The following RBM26 variants were observed in gnomAD, a reference collection of about 807,000 sequenced individuals.
RBM26 encodes the protein RNA-binding protein 26.
Under a neutral mutation model 123.6 loss-of-function variants are expected in RBM26, and 30 were observed. The observed-to-expected ratio is 0.24, with a 90% CI of 0.18 to 0.33. The LOEUF (loss-of-function observed/expected upper bound fraction) is 0.33. Ranked by LOEUF, RBM26 falls within the 10% of genes least tolerant of loss-of-function variation. The pLI, the probability that RBM26 is intolerant of heterozygous loss-of-function variation, is 1.00. For synonymous variants in RBM26, 400 were observed against 404.4 expected, an observed-to-expected ratio of 0.99 and a Z score of 0.13; for missense variants, 947 against 1,203.6, an observed-to-expected ratio of 0.79 and a Z score of 3.15.
At chr13:79,351,449 G>GT (rs2073203544) in intron 14 of RBM26, among the ~76,000 whole-genome samples, 1 of 151,954 alleles carries the variant, frequency 6.6e-6, no homozygotes, top group African/African-American at 2.4e-5. Context: ...CCTAATCCAA[G>GT]TAAGTATTTG....
intron 20 of RBM26, 118 bp from the exon 21 acceptor site, chr13:79,322,580 T>A (rs1231783373): frequency 3.5e-6 from 2 of 564,404 alleles, no homozygotes; most frequent in East Asian, 6.9e-5. Flanking sequence ...GATGGCTATC[T>A]GCCCATTTGC....
chr13:79,352,989 G>A (rs867327876), intron 14 of RBM26, among the ~76,000 whole-genome samples, 164 bp downstream of exon 14: 8 of 147,912 alleles, frequency 5.4e-5, no homozygotes, highest in African/African-American at 7.6e-5. Flanking sequence ...AGTAAAAAAA[G>A]GAAAATATTT....
intron 19 of RBM26, among the ~76,000 whole-genome samples, chr13:79,335,877 G>A (rs1263393092): frequency 6.6e-6 from 1 of 152,098 alleles, no homozygotes; most frequent in African/African-American, 2.4e-5. Context: ...TGTGGAAGGT[G>A]TGGAAGTGGG....
chr13:79,323,756 A>C (rs978779901), intron 20 of RBM26, among the ~76,000 whole-genome samples: 2 of 151,764 alleles, frequency 1.3e-5, no homozygotes, highest in African/African-American at 2.4e-5. Flanking sequence ...CTATAAGATG[A>C]GGCTACAACT....
chr13:79,359,673 A>G lies in RBM26; in HGVS notation c.1431T>C (p.Asn477=), dbSNP rs764378278. 1.3e-6 allele frequency: 2 copies of G among 1,552,572 alleles called. No homozygotes were observed. Among genetic ancestry groups the G allele is most frequent in the East Asian group, 2.3e-5 (1 of 42,672 alleles). The change falls in exon 10 of 22, where the codon AAT becomes AAC. Residue 477 remains asparagine (N), a synonymous_variant. Transcript: ENST00000438737. ...MDLPPREKPP[N]KSSMRIVVDS... ...CCACTACTATCCTCATACTGCTTTT[A>G]TTGGGAGGCTTTTCTGTTTTAAAAC...
intron 3 of RBM26, among the ~76,000 whole-genome samples, chr13:79,372,951 C>T (rs867607018): frequency 1.0e-4 from 3 of 29,744 alleles, no homozygotes; most frequent in African/African-American, 3.1e-4. Context: ...TTATATATTA[C>T]ATATTTTATA....
At chr13:79,393,557 TCC>T (rs1271273472) in intron 1 of RBM26, among the ~76,000 whole-genome samples, 1 of 152,188 alleles carries the variant, frequency 6.6e-6, no homozygotes, top group East Asian at 1.9e-4. Flanking sequence ...TTGAGTACAT[TCC>T]CTACTTGTAA....
At chr13:79,404,886 C>CCCGTAGTATA (rs1298487554) in intron 1 of RBM26, among the ~76,000 whole-genome samples, 5 of 152,166 alleles carry the variant, frequency 3.3e-5, no homozygotes, top group Non-Finnish European at 7.3e-5. Context: ...CCCAAAGCCT[C>CCCGTAGTATA]CCGTAGTATA....
Position 79,334,401 on chromosome 13 carries a change from A to C in RBM26, c.2763T>G (p.Ile921Met), listed in dbSNP as rs757102446. 6.4e-7 allele frequency: 1 copy of C among 1,569,794 alleles called. No individual in the cohort carries two copies. Among genetic ancestry groups the C allele is most frequent in the Non-Finnish European group, 8.6e-7 (1 of 1,156,838 alleles). The change falls in exon 20 of 22, where the codon ATT (isoleucine) becomes ATG (methionine). Residue 921 changes from isoleucine to methionine, a missense_variant. Ile to Met is a conservative substitution (Grantham distance 10). This residue lies in a region of RBM26 where 164 missense variants were observed against 215.3 expected (regional missense o/e 0.76). Transcript: ENST00000438737. ...AQYGEIEDCQ[I>M]DDSSLHAVIT... ...TTACTGCATGAAGTGAGGAATCATC[A>C]ATCTGACAATCTTCAATTTCACCAT...
At chr13:79,342,603 A>C (rs2071601947) in intron 17 of RBM26, 61 bp downstream of exon 17, 1 of 1,339,194 alleles carries the variant, frequency 7.5e-7, no homozygotes, top group African/African-American at 1.5e-5. Flanking sequence ...CTGAATCTTA[A>C]AAATGTAGTG....
At chr13:79,338,272 G>A (rs868068890) in intron 18 of RBM26, among the ~76,000 whole-genome samples, 1 of 152,150 alleles carries the variant, frequency 6.6e-6, no homozygotes, top group African/African-American at 2.4e-5. Context: ...CTCAAAACGT[G>A]AAGAAATGCT....
At chr13:79,334,666 T>C (rs1410901568) in intron 19 of RBM26, among the ~76,000 whole-genome samples, 4 of 152,118 alleles carry the variant, frequency 2.6e-5, no homozygotes, top group South Asian at 2.1e-4. Flanking sequence ...GTAAAACTTA[T>C]ACTCAATTGA....
chr13:79,395,879 T>C (rs1289843821), intron 1 of RBM26, among the ~76,000 whole-genome samples: 3 of 151,778 alleles, frequency 2.0e-5, no homozygotes, highest in Admixed American at 1.3e-4. Context: ...AGGAACTAAA[T>C]ATAAAGTCTC....
rs2070621885 is a variant in RBM26, at chr13:79,337,355, C to T, written c.2533-53G>A. 5 of 1,588,638 alleles carry T rather than the reference C, an allele frequency of 3.1e-6. No homozygotes were observed. In the South Asian group the frequency reaches 3.3e-5, roughly 11 times the overall value. On this transcript the variant is annotated intron_variant, in intron 18 of 21. Coordinates refer to ENST00000438737, the MANE Select transcript of RBM26 (RefSeq NM_001366735.2). ...ACAATGCTGTGATTACTAACACAAG[C>T]CAAGCATTACACTCTGGCAGATGAA...
At position 79,360,423 on chromosome 13, in the gene RBM26, T is replaced by G. The variant is rs545993393; in HGVS notation, c.1418-737A>C. On this transcript the variant is annotated intron_variant, in intron 9 of 21. Transcript: ENST00000438737. Reference sequence around the variant, plus strand: ...CTCACATGCCAAATTAAAATGTGATTCTGTAGGTCACTTCTTTGTAGATAA... The same window carrying G: ...CTCACATGCCAAATTAAAATGTGATGCTGTAGGTCACTTCTTTGTAGATAA... Among the ~76,000 whole-genome samples the G allele has an allele frequency of 1.7e-4, 26 of 152,234 alleles. No individual in the cohort carries two copies. The South Asian group carries it at 5.4e-3, about 32-fold the overall frequency.
chr13:79,322,503 T>A (rs762697894), intron 20 of RBM26, 41 bp from the exon 21 acceptor site: 4 of 1,365,000 alleles, frequency 2.9e-6, no homozygotes, highest in Non-Finnish European at 4.0e-6. Flanking sequence ...ACATTAAAAA[T>A]TTCTGAAGAA....
chr13:79,405,839 G>T lies in RBM26; in HGVS notation c.-65C>A. ...CCAGGTCGCGGCCGCTACAGCCGCC[G>T]CTGCCCCCGCCCCCTCCTCCGCGCG... On this transcript the variant is annotated 5_prime_UTR_variant, in exon 1 of 22. Coordinates refer to ENST00000438737, the MANE Select transcript of RBM26 (RefSeq NM_001366735.2). The T allele has an allele frequency of 2.9e-6, 3 of 1,038,504 alleles. No individual in the cohort carries two copies. The highest frequency in any genetic ancestry group is 4.0e-6 in the Non-Finnish European group (3 of 751,516). The allele number at this position is 1,038,504 out of a possible 1,614,324, so 64.3% of individuals were successfully genotyped here.
intron 3 of RBM26, among the ~76,000 whole-genome samples, chr13:79,375,179 ATT>A (rs201481150): frequency 2.3e-5 from 3 of 133,184 alleles, no homozygotes; most frequent in Non-Finnish European, 3.1e-5. Flanking sequence ...ATATATATAT[ATT>A]TTTTTTTTGA....
At chr13:79,346,992 T>C (rs1403135218) in intron 14 of RBM26, among the ~76,000 whole-genome samples, 1 of 152,210 alleles carries the variant, frequency 6.6e-6, no homozygotes, top group Non-Finnish European at 1.5e-5. Flanking sequence ...ATTATCTTCA[T>C]AATAAAAGCA....
Sources: allele counts gnomAD v4.1 joint callset (sites outside exome capture counted in the v4.1 genomes callset), GRCh38; gene constraint gnomAD v4.1.1; regional missense constraint gnomAD v4.1.1; transcripts MANE v1.5; gene names NCBI Gene and HGNC (gene_info 2026-07-23, HGNC 2026-07-21).